Variants in KCTD8 observed in about 807,000 individuals in gnomAD.
The protein encoded by KCTD8 is BTB/POZ domain-containing protein KCTD8.
Under a neutral mutation model 31.5 loss-of-function variants are expected in KCTD8, and 27 were observed. The ratio of observed to expected loss-of-function variants is 0.86; its 90% CI spans 0.63 to 1.18. KCTD8 has a LOEUF of 1.18. Among genes scored for constraint, KCTD8 ranks in the 50% most tolerant of loss-of-function variants. KCTD8 has a pLI of 0.00. For synonymous variants in KCTD8, 290 were observed against 280.0 expected (o/e 1.04, Z -0.36); for missense variants, 658 against 647.7 (o/e 1.02, Z -0.17).
intron 1 of KCTD8, among the ~76,000 whole-genome samples, chr4:44,256,986 TGAAA>T (rs957969414): frequency 3.3e-5 from 5 of 152,072 alleles, no homozygotes; most frequent in African/African-American, 7.2e-5. Context: ...AAAATAATGT[TGAAA>T]GAAAGAGGTT....
chr4:44,198,539 T>G (rs13114585), intron 1 of KCTD8, among the ~76,000 whole-genome samples: 11,402 of 152,132 alleles, frequency 0.075, 588 homozygotes, highest in Non-Finnish European at 0.11. Context: ...CAACCAAAAA[T>G]TTCATATCCC....
chr4:44,334,012 C>CACT, intron 1 of KCTD8, among the ~76,000 whole-genome samples: 1 of 152,170 alleles, frequency 6.6e-6, no homozygotes, highest in Admixed American at 6.5e-5. Flanking sequence ...CTGGAGAAAT[C>CACT]ACTACCCATT....
intron 1 of KCTD8, among the ~76,000 whole-genome samples, chr4:44,249,971 G>A (rs182939763): frequency 6.6e-6 from 1 of 151,832 alleles, no homozygotes; most frequent in Admixed American, 6.6e-5. Flanking sequence ...TAAATGATGT[G>A]AAGTAACATT....
chr4:44,276,821 TATC>T (rs1271142185), intron 1 of KCTD8, among the ~76,000 whole-genome samples: 6 of 151,978 alleles, frequency 3.9e-5, no homozygotes, highest in African/African-American at 1.4e-4. Context: ...ATTGAGCAAG[TATC>T]ATTATTATTT....
chr4:44,299,356 C>A (rs1244656873), intron 1 of KCTD8, among the ~76,000 whole-genome samples: 1 of 152,162 alleles, frequency 6.6e-6, no homozygotes, highest in East Asian at 1.9e-4. Context: ...AACATTCTAA[C>A]ATAATGAAAA....
chr4:44,378,577 A>G (rs1719978466), intron 1 of KCTD8, among the ~76,000 whole-genome samples: 1 of 152,154 alleles, frequency 6.6e-6, no homozygotes, highest in Admixed American at 6.6e-5. Context: ...GAAATGTGGT[A>G]CATGTTACTG....
rs932733559 is a variant in KCTD8 at position 44,420,619 on chromosome 4, A to T, written c.961+26944T>A. Among the ~76,000 whole-genome samples, 7 of 152,272 alleles carry T rather than the reference A, an allele frequency of 4.6e-5. No individual in the cohort carries two copies. The South Asian group carries it at 1.4e-3, about 32-fold the overall frequency. On this transcript the variant is annotated intron_variant, in intron 1 of 1. Coordinates refer to ENST00000360029, the MANE Select transcript of KCTD8 (RefSeq NM_198353.3). ...TGGTGGATTGTTGGACACTTCTGTT[A>T]ACTGGCAAGAGAGAGTGACGTCCCT...
intron 1 of KCTD8, among the ~76,000 whole-genome samples, chr4:44,387,392 A>G (rs1720252288): frequency 1.3e-5 from 2 of 151,978 alleles, no homozygotes; most frequent in South Asian, 4.1e-4. Context: ...TATTGAACCA[A>G]AAAAGAGCCT....
intron 1 of KCTD8, among the ~76,000 whole-genome samples, chr4:44,428,301 T>C (rs1430316462): frequency 6.6e-6 from 1 of 151,704 alleles, no homozygotes; most frequent in Non-Finnish European, 1.5e-5. Context: ...TTACTTTCAG[T>C]GTAGCTTCAT....
intron 1 of KCTD8, among the ~76,000 whole-genome samples, chr4:44,443,412 AG>A (rs1446166503): frequency 6.6e-6 from 1 of 152,232 alleles, no homozygotes; most frequent in Non-Finnish European, 1.5e-5. Context: ...CAAGCATGCT[AG>A]CCCAGGATTG....
At chr4:44,405,846 A>T (rs13102497) in intron 1 of KCTD8, among the ~76,000 whole-genome samples, 1 of 144,646 alleles carries the variant, frequency 6.9e-6, no homozygotes, top group Non-Finnish European at 1.5e-5. Flanking sequence ...AAAAAAAAGC[A>T]ATAGTACTGT....
chr4:44,187,818 T>G (rs1713632086), intron 1 of KCTD8, among the ~76,000 whole-genome samples: 1 of 152,150 alleles, frequency 6.6e-6, no homozygotes, highest in Non-Finnish European at 1.5e-5. Flanking sequence ...ATGAGGGCTG[T>G]GTATAACAAA....
intron 1 of KCTD8, among the ~76,000 whole-genome samples, chr4:44,286,678 C>G (rs574493530): frequency 1.3e-5 from 2 of 152,068 alleles, no homozygotes; most frequent in Non-Finnish European, 2.9e-5. Context: ...TTTTATGCCA[C>G]TGGGATAAGG....
At chr4:44,256,718 T>C (rs894961715) in intron 1 of KCTD8, among the ~76,000 whole-genome samples, 1 of 151,822 alleles carries the variant, frequency 6.6e-6, no homozygotes, top group African/African-American at 2.4e-5. Flanking sequence ...AGATGAGCAG[T>C]TGAAAGCAGA....
chr4:44,395,046 G>T (rs1332533695), intron 1 of KCTD8, among the ~76,000 whole-genome samples: 6 of 152,022 alleles, frequency 3.9e-5, no homozygotes, highest in Non-Finnish European at 8.8e-5. Flanking sequence ...TTACCCTCTA[G>T]ATTTCCCTTT....
chr4:44,236,111 G>T (rs1254071472), intron 1 of KCTD8, among the ~76,000 whole-genome samples: 1 of 152,118 alleles, frequency 6.6e-6, no homozygotes, highest in Admixed American at 6.5e-5. Flanking sequence ...TTGCCCAGCA[G>T]GGGCACCGGT....
chr4:44,290,982 T>C (rs1294103861), intron 1 of KCTD8, among the ~76,000 whole-genome samples: 4 of 151,988 alleles, frequency 2.6e-5, no homozygotes, highest in Admixed American at 2.0e-4. Flanking sequence ...TTGAATGATA[T>C]TGAGAAGCAA....
At chr4:44,331,843 T>C (rs887995349) in intron 1 of KCTD8, among the ~76,000 whole-genome samples, 11 of 150,116 alleles carry the variant, frequency 7.3e-5, no homozygotes, top group Non-Finnish European at 1.6e-4. Context: ...AAATAAAATA[T>C]ATATATGGAT....
At chr4:44,272,880 CT>C (rs1170066277) in intron 1 of KCTD8, among the ~76,000 whole-genome samples, 1 of 151,994 alleles carries the variant, frequency 6.6e-6, no homozygotes, top group Non-Finnish European at 1.5e-5. Context: ...AACATAAATT[CT>C]TTTTCTCAAT....
Sources: allele counts gnomAD v4.1 joint callset (sites outside exome capture counted in the v4.1 genomes callset), GRCh38; gene constraint gnomAD v4.1.1; transcripts MANE v1.5; gene names NCBI Gene and HGNC (gene_info 2026-07-23, HGNC 2026-07-21).